TBC1D5: variants seen among roughly 807,000 people sequenced by gnomAD.
TBC1D5 encodes TBC1 domain family, member 5.
Under a neutral mutation model 100.3 loss-of-function variants are expected in TBC1D5, and 75 were observed. The observed-to-expected ratio is 0.75, with a 90% CI of 0.62 to 0.91. TBC1D5 has a LOEUF of 0.91. Ranked by LOEUF, TBC1D5 falls within the 40% of genes least tolerant of loss-of-function variation. TBC1D5 has a pLI of 0.00. For synonymous variants in TBC1D5, 323 were observed against 325.6 expected, an observed-to-expected ratio of 0.99 and a Z score of 0.09; for missense variants, 910 against 942.4, an observed-to-expected ratio of 0.97 and a Z score of 0.45.
intron 1 of TBC1D5, among the ~76,000 whole-genome samples, chr3:17,690,204 A>T (rs6784569): frequency 0.062 from 2,893 of 46,818 alleles, 524 homozygotes; most frequent in African/African-American, 0.17. Flanking sequence ...AAATAGCCAT[A>T]TTTTTTTTTT....
intron 1 of TBC1D5, among the ~76,000 whole-genome samples, chr3:17,704,027 T>C (rs1372164745): frequency 1.4e-5 from 2 of 142,886 alleles, no homozygotes; most frequent in Admixed American, 7.1e-5. Context: ...GATAAACAAG[T>C]GAACAAAGGT....
At chr3:17,640,981 A>G (rs2064445317) in intron 1 of TBC1D5, among the ~76,000 whole-genome samples, 1 of 152,016 alleles carries the variant, frequency 6.6e-6, no homozygotes, top group Non-Finnish European at 1.5e-5. Flanking sequence ...AAAAAAGTGA[A>G]GTAATTCCAC....
At chr3:17,602,627 C>T (rs561851904) in intron 2 of TBC1D5, among the ~76,000 whole-genome samples, 1 of 119,596 alleles carries the variant, frequency 8.4e-6, no homozygotes, top group South Asian at 2.8e-4. Context: ...GGCTGGAGTG[C>T]AGTGGCGCAA....
chr3:17,231,230 G>C (rs779529645), intron 17 of TBC1D5, among the ~76,000 whole-genome samples: 14 of 151,982 alleles, frequency 9.2e-5, no homozygotes, highest in Non-Finnish European at 5.9e-5. Context: ...AAAGGTTTCC[G>C]GGGGTAAGTA....
intron 1 of TBC1D5, among the ~76,000 whole-genome samples, chr3:17,647,332 A>T (rs760441428): frequency 6.6e-6 from 1 of 152,162 alleles, no homozygotes; most frequent in Non-Finnish European, 1.5e-5. Flanking sequence ...TAAACAGCTG[A>T]TAAACAAACA....
intron 2 of TBC1D5, among the ~76,000 whole-genome samples, chr3:17,614,795 G>A (rs757434973): frequency 6.6e-6 from 1 of 152,088 alleles, no homozygotes; most frequent in Non-Finnish European, 1.5e-5. Context: ...TGAGATGATG[G>A]GGCATTCTAA....
intron 8 of TBC1D5, among the ~76,000 whole-genome samples, chr3:17,388,289 A>G (rs1304385955): frequency 6.6e-6 from 1 of 152,108 alleles, no homozygotes; most frequent in Non-Finnish European, 1.5e-5. Flanking sequence ...TTTGTTTTCT[A>G]TCTTGAAATA....
chr3:17,231,108 T>C (rs1372135199), intron 17 of TBC1D5, among the ~76,000 whole-genome samples: 1 of 152,198 alleles, frequency 6.6e-6, no homozygotes, highest in Non-Finnish European at 1.5e-5. Context: ...GGGCTGACTG[T>C]ACTTCTGTTG....
At chr3:17,181,936 C>T (rs1239251617) in intron 19 of TBC1D5, among the ~76,000 whole-genome samples, 6 of 151,770 alleles carry the variant, frequency 4.0e-5, no homozygotes, top group Admixed American at 3.9e-4. Context: ...ATATTCAATC[C>T]CTTACTAATG....
intron 4 of TBC1D5, among the ~76,000 whole-genome samples, chr3:17,424,924 A>G (rs1322078891): frequency 6.6e-6 from 1 of 152,188 alleles, no homozygotes; most frequent in Non-Finnish European, 1.5e-5. Context: ...TTCATCTACT[A>G]GGTTTTCAAA....
intron 1 of TBC1D5, among the ~76,000 whole-genome samples, chr3:17,641,356 G>A (rs1314958706): frequency 6.6e-6 from 1 of 152,004 alleles, no homozygotes; most frequent in African/African-American, 2.4e-5. Context: ...GTGCATAGTG[G>A]TTACCAGCAT....
chr3:17,201,199 TA>T (rs2071418405), intron 18 of TBC1D5, among the ~76,000 whole-genome samples: 1 of 152,136 alleles, frequency 6.6e-6, no homozygotes, highest in African/African-American at 2.4e-5. Flanking sequence ...GCCTTTAATT[TA>T]ATTTACTCCC....
At position 17,384,223 on chromosome 3, in the gene TBC1D5, A is replaced by G. The variant is rs11923225; in HGVS notation, c.510-208T>C. Among the ~76,000 whole-genome samples, 807 of 152,158 alleles carry G rather than the reference A, an allele frequency of 5.3e-3. 11 individuals carry two copies. Among genetic ancestry groups the G allele is most frequent in the African/African-American group, 0.019 (775 of 41,548 alleles). ...CCAGAGGTAAATTACATCCTTCAAC[A>G]TATTCACATTTCAAATTTTTTCACA... On this transcript the variant is annotated intron_variant, in intron 8 of 21. Coordinates refer to ENST00000253692, the Ensembl canonical transcript of TBC1D5.
chr3:17,559,618 C>T (rs776463828), intron 2 of TBC1D5, among the ~76,000 whole-genome samples: 2 of 149,990 alleles, frequency 1.3e-5, no homozygotes, highest in Non-Finnish European at 3.0e-5. Context: ...GAGGTGGAGT[C>T]TTGCACTGTT....
intron 15 of TBC1D5, among the ~76,000 whole-genome samples, chr3:17,275,429 C>G (rs1250580360): frequency 6.6e-6 from 1 of 152,034 alleles, no homozygotes; most frequent in Non-Finnish European, 1.5e-5. Context: ...GTAGTCCCAG[C>G]TACTCGGGAG....
intron 1 of TBC1D5, among the ~76,000 whole-genome samples, chr3:17,734,848 G>T (rs2076836343): frequency 6.6e-6 from 1 of 152,144 alleles, no homozygotes; most frequent in Non-Finnish European, 1.5e-5. Context: ...CACTTTGGGA[G>T]GCCGATGTGG....
upstream of TBC1D5, chr3:17,741,011 T>C (rs548988466): frequency 2.6e-5 from 4 of 152,148 alleles, no homozygotes; most frequent in East Asian, 3.9e-4. Context: ...ATCCTGCCAT[T>C]TGCCCCTTCT....
At position 17,698,744 on chromosome 3, in the gene TBC1D5, G is replaced by A. The variant is rs9832451; in HGVS notation, c.-101+40599C>T. On this transcript the variant is annotated intron_variant, in intron 1 of 21. Transcript: ENST00000253692. ...AAAAAGTGGGCAAAGGATATGAACC[G>A]ACACTTCTCAAAAGAAGACATTTAT... Among the ~76,000 whole-genome samples, 135 of 150,460 alleles carry A rather than the reference G, an allele frequency of 9.0e-4. 1 individual carries two copies. Among genetic ancestry groups the A allele is most frequent in the African/African-American group, 3.1e-3 (127 of 40,942 alleles).
At chr3:17,294,377 C>T (rs2082047500) in intron 14 of TBC1D5, among the ~76,000 whole-genome samples, 1 of 152,116 alleles carries the variant, frequency 6.6e-6, no homozygotes, top group Admixed American at 6.5e-5. Flanking sequence ...AAGCATACTG[C>T]CATGCCTGGC....
Sources: allele counts gnomAD v4.1 joint callset (sites outside exome capture counted in the v4.1 genomes callset), GRCh38; gene constraint gnomAD v4.1.1; transcripts MANE v1.5; gene names NCBI Gene and HGNC (gene_info 2026-07-23, HGNC 2026-07-21).